CWC27: variants seen among roughly 807,000 people sequenced by gnomAD.
CWC27 encodes spliceosome-associated protein CWC27 homolog.
In CWC27, 47 loss-of-function variants were observed where a neutral mutation model predicts 63.6. The observed-to-expected ratio is 0.74, with a 90% confidence interval of 0.58 to 0.94. The LOEUF is 0.94. Among genes scored for constraint, CWC27 ranks in the 40% least tolerant of loss-of-function variants. The probability of loss-of-function intolerance (pLI) is 0.00; values close to 1 mark genes in which losing one functional copy is unlikely to be tolerated. For missense variants in CWC27, 495 were observed against 554.3 expected (o/e 0.89, Z 1.07); for synonymous variants, 175 against 179.8 (o/e 0.97, Z 0.22).
intron 13 of CWC27, among the ~76,000 whole-genome samples, chr5:64,987,208 T>C (rs551281938): frequency 1.9e-4 from 29 of 152,302 alleles, no homozygotes; most frequent in African/African-American, 6.7e-4. Flanking sequence ...ATTTAATTTA[T>C]CTATTGTGTT....
chr5:64,800,375 G>A, intron 8 of CWC27, 48 bp downstream of exon 8: 4 of 1,412,672 alleles, frequency 2.8e-6, no homozygotes, highest in Non-Finnish European at 3.9e-6. Flanking sequence ...TTCTGGCTCA[G>A]ATAATTTTCT....
intron 10 of CWC27, among the ~76,000 whole-genome samples, chr5:64,813,115 C>T (rs1744925851): frequency 6.6e-6 from 1 of 152,100 alleles, no homozygotes; most frequent in African/African-American, 2.4e-5. Flanking sequence ...TGCATAATCT[C>T]TCAATGTAGA....
intron 2 of CWC27, among the ~76,000 whole-genome samples, chr5:64,777,977 C>T (rs1283910965): frequency 1.3e-5 from 2 of 151,952 alleles, no homozygotes; most frequent in Non-Finnish European, 2.9e-5. Flanking sequence ...TAATTTCATG[C>T]ATTCAACAGG....
chr5:64,800,538 C>G (rs1744453300), intron 8 of CWC27, among the ~76,000 whole-genome samples: 1 of 152,208 alleles, frequency 6.6e-6, no homozygotes, highest in African/African-American at 2.4e-5. Context: ...CTCTCTACCT[C>G]TGTTGAATGA....
chr5:64,796,863 TCC>T (rs1744295996), intron 7 of CWC27, among the ~76,000 whole-genome samples: 8 of 135,560 alleles, frequency 5.9e-5, no homozygotes, highest in South Asian at 2.6e-4. Context: ...CTCCCTTCTT[TCC>T]TCCTTCCTTC....
intron 10 of CWC27, among the ~76,000 whole-genome samples, chr5:64,812,760 G>A (rs1204008588): frequency 6.6e-6 from 1 of 152,050 alleles, no homozygotes; most frequent in African/African-American, 2.4e-5. Context: ...TAGGCTCCAG[G>A]AACATGAAAA....
At chr5:64,781,315 G>A (rs1337555439) in intron 2 of CWC27, among the ~76,000 whole-genome samples, 1 of 152,110 alleles carries the variant, frequency 6.6e-6, no homozygotes, top group African/African-American at 2.4e-5. Flanking sequence ...GTTTCTTGAG[G>A]AGGGTGTATT....
At chr5:64,950,620 A>G (rs1264277540) in intron 11 of CWC27, among the ~76,000 whole-genome samples, 2 of 152,044 alleles carry the variant, frequency 1.3e-5, no homozygotes, top group African/African-American at 4.8e-5. Context: ...TATCTTTTAA[A>G]ATCAGCTTTA....
At chr5:64,948,454 G>A (rs1308382013) in intron 11 of CWC27, among the ~76,000 whole-genome samples, 2 of 151,468 alleles carry the variant, frequency 1.3e-5, no homozygotes, top group Admixed American at 6.6e-5. Flanking sequence ...GTATATATAT[G>A]TAGAGCTTAG....
intron 7 of CWC27, 26 bp from the exon 8 acceptor site, chr5:64,800,222 A>G: frequency 3.3e-6 from 5 of 1,502,562 alleles, no homozygotes; most frequent in Non-Finnish European, 4.6e-6. Context: ...TTCCCCCCTC[A>G]TGATTATATT....
intron 11 of CWC27, among the ~76,000 whole-genome samples, chr5:64,919,061 AG>A (rs1217849451): frequency 5.9e-5 from 9 of 152,244 alleles, no homozygotes; most frequent in African/African-American, 2.2e-4. Context: ...CATAAATACA[AG>A]TCATTTTTTA....
intron 11 of CWC27, among the ~76,000 whole-genome samples, chr5:64,895,011 G>C (rs1747335049): frequency 6.6e-6 from 1 of 152,120 alleles, no homozygotes; most frequent in African/African-American, 2.4e-5. Context: ...TACCTATCTT[G>C]AATCATGGCA....
intron 5 of CWC27, among the ~76,000 whole-genome samples, chr5:64,786,164 CA>C (rs1209111233): frequency 7.8e-3 from 499 of 64,246 alleles, no homozygotes; most frequent in South Asian, 0.024. Context: ...GACTCCATCT[CA>C]AAAAAAAAAA....
intron 11 of CWC27, among the ~76,000 whole-genome samples, chr5:64,966,854 T>C (rs1749023473): frequency 6.6e-6 from 1 of 152,090 alleles, no homozygotes; most frequent in Admixed American, 6.5e-5. Flanking sequence ...ATTCTCTCTA[T>C]ATTTGTGTTG....
chr5:64,886,201 A>G (rs1747069722), intron 11 of CWC27, among the ~76,000 whole-genome samples: 1 of 152,160 alleles, frequency 6.6e-6, no homozygotes, highest in African/African-American at 2.4e-5. Context: ...AAGCTTCAAA[A>G]AAAAAGCTTT....
intron 11 of CWC27, among the ~76,000 whole-genome samples, chr5:64,908,397 A>G (rs893955095): frequency 3.3e-5 from 5 of 152,224 alleles, no homozygotes; most frequent in Admixed American, 2.0e-4. Context: ...GATATCTATT[A>G]GGTCCACTTG....
rs78209240 is a variant in CWC27, at chr5:64,781,375, T to C, written c.140-546T>C. The stretch of plus-strand genomic sequence containing the variant: ...AAGTAATTTTGATATATTATGAGTT[T>C]GTGTGTTAATAAATTAATTTCCTGT... On this transcript the variant is annotated intron_variant, in intron 2 of 13. Coordinates refer to ENST00000381070, the MANE Select transcript of CWC27 (RefSeq NM_005869.4). Among the ~76,000 whole-genome samples, 1,379 of 152,280 alleles carry C rather than the reference T, an allele frequency of 9.1e-3. 22 individuals are homozygous for C. The highest frequency in any genetic ancestry group is 0.031 in the African/African-American group (1,303 of 41,554).
intron 13 of CWC27, among the ~76,000 whole-genome samples, chr5:65,006,976 A>C (rs868180950): frequency 7.8e-5 from 10 of 128,652 alleles, no homozygotes; most frequent in Non-Finnish European, 1.1e-4. Flanking sequence ...GAAAGAAAGA[A>C]AGAAAGAAAG....
At chr5:64,945,237 T>G (rs1158522746) in intron 11 of CWC27, among the ~76,000 whole-genome samples, 1 of 152,192 alleles carries the variant, frequency 6.6e-6, no homozygotes, top group African/African-American at 2.4e-5. Flanking sequence ...GTTCCTTGTG[T>G]TACTACCTTG....
Sources: allele counts gnomAD v4.1 joint callset (sites outside exome capture counted in the v4.1 genomes callset), GRCh38; gene constraint gnomAD v4.1.1; transcripts MANE v1.5; gene names NCBI Gene and HGNC (gene_info 2026-07-23, HGNC 2026-07-21).